Variants in GRM5 observed in about 807,000 individuals in gnomAD.
GRM5 encodes metabotropic glutamate receptor 5.
GRM5 carries 19 observed loss-of-function variants against 83.1 expected under a neutral mutation model. The ratio of observed to expected loss-of-function variants is 0.23; its 90% confidence interval spans 0.16 to 0.34. GRM5 has a LOEUF of 0.34. GRM5 is among the 10% of genes least tolerant of loss of function. The pLI, the probability that GRM5 is intolerant of heterozygous loss-of-function variation, is 1.00. For synonymous variants in GRM5, 675 were observed against 633.6 expected (o/e 1.07, Z -0.98); for missense variants, 1,160 against 1,588.3 (o/e 0.73, Z 4.58).
intron 9 of GRM5, chr11:88,524,100 A>G (rs1391691040): frequency 6.6e-6 from 1 of 151,786 alleles, no homozygotes; most frequent in Non-Finnish European, 1.5e-5. Flanking sequence ...ATGGCAAGTG[A>G]CTCCTCAACT....
At chr11:89,059,224 A>G (rs1193382982) in intron 1 of GRM5, among the ~76,000 whole-genome samples, 2 of 152,212 alleles carry the variant, frequency 1.3e-5, no homozygotes, top group African/African-American at 4.8e-5. Context: ...CAAGACCAAT[A>G]GAATAATATA....
intron 2 of GRM5, among the ~76,000 whole-genome samples, chr11:88,918,480 A>G (rs111875331): frequency 2.0e-5 from 3 of 151,950 alleles, no homozygotes; most frequent in Non-Finnish European, 2.9e-5. Context: ...TTTCATCCAT[A>G]CCAGATCTTT....
intron 8 of GRM5, among the ~76,000 whole-genome samples, chr11:88,558,825 A>AAG (rs398038280): frequency 3.6e-4 from 53 of 147,276 alleles, no homozygotes; most frequent in African/African-American, 1.2e-3. Context: ...AAAAAAAAAA[A>AAG]TACAACAAAC....
intron 1 of GRM5, among the ~76,000 whole-genome samples, chr11:89,060,723 T>A (rs1346663511): frequency 6.6e-6 from 1 of 152,074 alleles, no homozygotes; most frequent in Non-Finnish European, 1.5e-5. Flanking sequence ...TTAAAGGAAA[T>A]GAAAGCAAAC....
At chr11:88,961,702 C>CT (rs1272931068) in intron 2 of GRM5, among the ~76,000 whole-genome samples, 4 of 152,154 alleles carry the variant, frequency 2.6e-5, no homozygotes, top group Non-Finnish European at 2.9e-5. Context: ...TGATCCTCTT[C>CT]TTTTTCAATT....
intron 7 of GRM5, among the ~76,000 whole-genome samples, chr11:88,575,023 A>G (rs1166804112): frequency 6.7e-6 from 1 of 149,376 alleles, no homozygotes; most frequent in Non-Finnish European, 1.5e-5. Flanking sequence ...GAAAAAAAAA[A>G]TAGAAAAGTT....
At chr11:88,882,320 G>A (rs1238040767) in intron 2 of GRM5, among the ~76,000 whole-genome samples, 1 of 151,160 alleles carries the variant, frequency 6.6e-6, no homozygotes, top group Non-Finnish European at 1.5e-5. Flanking sequence ...GGGAGGCCAA[G>A]GCGGGTAGAT....
At chr11:88,928,283 T>C (rs1371833055) in intron 2 of GRM5, among the ~76,000 whole-genome samples, 1 of 152,044 alleles carries the variant, frequency 6.6e-6, no homozygotes, top group Non-Finnish European at 1.5e-5. Flanking sequence ...GGCGAATCAT[T>C]TCTCTGGGCC....
chr11:88,982,474 G>A (rs1289568670), intron 2 of GRM5, among the ~76,000 whole-genome samples: 1 of 152,080 alleles, frequency 6.6e-6, no homozygotes, highest in South Asian at 2.1e-4. Context: ...TATTTTATCT[G>A]TAATAATTCT....
At chr11:88,909,909 T>A (rs584552) in intron 2 of GRM5, among the ~76,000 whole-genome samples, 64,630 of 151,822 alleles carry the variant, frequency 0.43, 14,118 homozygotes, top group East Asian at 0.57. Context: ...TATACTTTTT[T>A]AAATTATGGT....
At chr11:89,034,839 C>G (rs1031864408) in intron 2 of GRM5, among the ~76,000 whole-genome samples, 1 of 138,272 alleles carries the variant, frequency 7.2e-6, no homozygotes, top group African/African-American at 2.5e-5. Context: ...ACCAAGCCCT[C>G]AAATCCTTTT....
chr11:88,872,928 TAA>T (rs1258487720), intron 2 of GRM5, among the ~76,000 whole-genome samples: 1 of 108,754 alleles, frequency 9.2e-6, no homozygotes, highest in Admixed American at 1.1e-4. Flanking sequence ...CTGAATGAAT[TAA>T]AAAAAAAAAG....
At chr11:88,745,065 T>C (rs1327720165) in intron 3 of GRM5, among the ~76,000 whole-genome samples, 1 of 152,122 alleles carries the variant, frequency 6.6e-6, no homozygotes, top group Non-Finnish European at 1.5e-5. Flanking sequence ...ACCGTAGAAT[T>C]GTTAAGTGAC....
intron 3 of GRM5, among the ~76,000 whole-genome samples, chr11:88,795,974 T>C (rs1943267702): frequency 6.6e-6 from 1 of 152,184 alleles, no homozygotes; most frequent in South Asian, 2.1e-4. Flanking sequence ...TATTAGTAAT[T>C]TGAAATAGAC....
At chr11:88,563,747 A>G (rs1377871620) in intron 8 of GRM5, among the ~76,000 whole-genome samples, 1 of 152,224 alleles carries the variant, frequency 6.6e-6, no homozygotes, top group African/African-American at 2.4e-5. Context: ...AAATGTAAAA[A>G]TATTAGAAAT....
intron 2 of GRM5, among the ~76,000 whole-genome samples, chr11:88,981,923 C>G (rs1177436885): frequency 1.3e-5 from 2 of 152,184 alleles, no homozygotes; most frequent in African/African-American, 2.4e-5. Flanking sequence ...TGAGCTGTAT[C>G]TTAATATTGA....
At chr11:88,973,251 A>G (rs1188532493) in intron 2 of GRM5, among the ~76,000 whole-genome samples, 7 of 152,152 alleles carry the variant, frequency 4.6e-5, no homozygotes, top group Non-Finnish European at 5.9e-5. Context: ...TAGGAAATAT[A>G]TATTGTAGAA....
chr11:88,774,254 G>A lies in GRM5; in HGVS notation c.911+75652C>T, dbSNP rs570338159. Among the ~76,000 whole-genome samples, 12 of 151,976 alleles carry A rather than the reference G, an allele frequency of 7.9e-5. No homozygotes were observed. The East Asian group carries it at 2.3e-3, about 29-fold the overall frequency. ...TCACACATGATTTGGCTCTCTGTTT[G>A]TCTTCATGGTGTAGGGGAATGCTGT... On this transcript the variant is annotated intron_variant, in intron 3 of 9. Transcript: ENST00000305447.
At chr11:88,873,870 C>G (rs1402070465) in intron 2 of GRM5, among the ~76,000 whole-genome samples, 1 of 151,596 alleles carries the variant, frequency 6.6e-6, no homozygotes, top group Non-Finnish European at 1.5e-5. Flanking sequence ...AAGATCAGAG[C>G]ATAAACAGAA....
Sources: gnomAD v4.1 joint callset for allele counts (sites outside exome capture counted in the v4.1 genomes callset) on GRCh38, gnomAD v4.1.1 for gene constraint, MANE v1.5 for transcripts, NCBI Gene and HGNC (gene_info 2026-07-23, HGNC 2026-07-21) for gene names.